The following PTPRD variants were observed in gnomAD, a reference collection of about 807,000 sequenced individuals.
PTPRD encodes receptor-type tyrosine-protein phosphatase delta.
In PTPRD, 34 loss-of-function variants were observed where a neutral mutation model predicts 214.5. The observed-to-expected ratio is 0.16, with a 90% CI of 0.12 to 0.21. The LOEUF (loss-of-function observed/expected upper bound fraction) is 0.21. Among genes scored for constraint, PTPRD ranks in the 10% least tolerant of loss-of-function variants. The pLI is 1.00. For missense variants in PTPRD, 2,545 were observed against 2,398.7 expected, an observed-to-expected ratio of 1.06 and a Z score of -1.27; for synonymous variants, 1,128 against 845.7, an observed-to-expected ratio of 1.33 and a Z score of -5.79.
chr9:9,742,410 T>G (rs1209809790), intron 6 of PTPRD, among the ~76,000 whole-genome samples: 1 of 152,196 alleles, frequency 6.6e-6, no homozygotes, highest in East Asian at 1.9e-4. Flanking sequence ...AATACTCAAA[T>G]TAGAAGCATC....
At chr9:8,609,635 G>A (rs1409168003) in intron 14 of PTPRD, among the ~76,000 whole-genome samples, 1 of 152,062 alleles carries the variant, frequency 6.6e-6, no homozygotes, top group Non-Finnish European at 1.5e-5. Context: ...CACTTAAAGA[G>A]TAAAATTAAA....
intron 39 of PTPRD, among the ~76,000 whole-genome samples, chr9:8,357,487 T>C (rs959195727): frequency 3.9e-5 from 6 of 152,162 alleles, no homozygotes; most frequent in Admixed American, 3.3e-4. Flanking sequence ...AGGGCTGAAT[T>C]CATCAAAGAA....
intron 9 of PTPRD, among the ~76,000 whole-genome samples, chr9:9,287,447 T>C (rs1186704970): frequency 2.0e-5 from 3 of 151,902 alleles, no homozygotes; most frequent in Non-Finnish European, 2.9e-5. Flanking sequence ...TTGTAGCTAC[T>C]TGATAATTTT....
intron 2 of PTPRD, among the ~76,000 whole-genome samples, chr9:10,369,613 C>T (rs151107667): frequency 6.6e-6 from 1 of 152,216 alleles, no homozygotes; most frequent in African/African-American, 2.4e-5. Context: ...AATTCCTCTT[C>T]TAACTATCAG....
intron 10 of PTPRD, among the ~76,000 whole-genome samples, chr9:9,114,722 G>C (rs1395060659): frequency 1.3e-5 from 2 of 152,058 alleles, no homozygotes; most frequent in African/African-American, 4.8e-5. Flanking sequence ...AAAAATCAAT[G>C]TAACCCTTTT....
At chr9:8,504,483 A>G in intron 22 of PTPRD, 78 bp from the exon 23 acceptor site, 2 of 1,489,692 alleles carry the variant, frequency 1.3e-6, no homozygotes, top group Non-Finnish European at 1.9e-6. Flanking sequence ...CTGGACCATC[A>G]GATTTCTATC....
intron 14 of PTPRD, among the ~76,000 whole-genome samples, chr9:8,546,307 G>A (rs1254593552): frequency 6.6e-6 from 1 of 152,144 alleles, no homozygotes; most frequent in East Asian, 1.9e-4. Flanking sequence ...ACTGACATGT[G>A]TTTTGTTATA....
chr9:9,058,211 C>A (rs2099699846), intron 10 of PTPRD, among the ~76,000 whole-genome samples: 1 of 151,968 alleles, frequency 6.6e-6, no homozygotes, highest in South Asian at 2.1e-4. Flanking sequence ...AGCAACACAG[C>A]CTATGATGGA....
intron 3 of PTPRD, among the ~76,000 whole-genome samples, chr9:10,080,642 A>G (rs971108389): frequency 1.3e-5 from 2 of 152,146 alleles, no homozygotes; most frequent in Non-Finnish European, 2.9e-5. Context: ...CCTTATCTCA[A>G]TATAAAATGC....
chr9:8,782,214 T>C (rs188005641), intron 11 of PTPRD, among the ~76,000 whole-genome samples: 29 of 152,158 alleles, frequency 1.9e-4, no homozygotes, highest in African/African-American at 6.3e-4. Context: ...TACATGTATA[T>C]ATTGTGGAAT....
Position 9,305,650 on chromosome 9 carries a change from T to A in PTPRD, c.-203+91799A>T, listed in dbSNP as rs560548240. ...TTTGGAAATGGAGTCATTGGAGATGTAATAAACTTAAAATGAGGTCATATT... is the reference window on the plus strand; with the variant it reads ...TTTGGAAATGGAGTCATTGGAGATGAAATAAACTTAAAATGAGGTCATATT... On this transcript the variant is annotated intron_variant, in intron 9 of 45. Transcript: ENST00000381196. Among the ~76,000 whole-genome samples, 10 of 152,244 alleles carry A rather than the reference T, an allele frequency of 6.6e-5. No homozygotes were observed. The South Asian group carries it at 1.7e-3, about 25-fold the overall frequency.
At chr9:9,538,539 A>C (rs2076959736) in intron 8 of PTPRD, among the ~76,000 whole-genome samples, 1 of 151,862 alleles carries the variant, frequency 6.6e-6, no homozygotes, top group South Asian at 2.1e-4. Flanking sequence ...GATTGATCAA[A>C]ACTTGGACCA....
intron 7 of PTPRD, among the ~76,000 whole-genome samples, chr9:9,594,399 G>A (rs2093072413): frequency 6.6e-6 from 1 of 152,038 alleles, no homozygotes; most frequent in Non-Finnish European, 1.5e-5. Flanking sequence ...AATTTTTATA[G>A]TTTTAGGTCT....
chr9:9,662,312 C>G (rs2096637068), intron 7 of PTPRD, among the ~76,000 whole-genome samples: 1 of 151,632 alleles, frequency 6.6e-6, no homozygotes, highest in Non-Finnish European at 1.5e-5. Context: ...GAAAATTGTT[C>G]AAATGTATAC....
intron 4 of PTPRD, among the ~76,000 whole-genome samples, chr9:10,002,251 A>T (rs1031711550): frequency 9.4e-5 from 14 of 149,216 alleles, no homozygotes; most frequent in Admixed American, 2.0e-4. Flanking sequence ...GAAACATAGG[A>T]ACAAAAAAAA....
chr9:9,595,584 A>G (rs117393256), intron 7 of PTPRD, among the ~76,000 whole-genome samples: 9,587 of 148,640 alleles, frequency 0.064, 335 homozygotes, highest in Middle Eastern at 0.12. Context: ...GTGTATATAC[A>G]TATATATATG....
chr9:10,161,138 C>T (rs10958926), intron 3 of PTPRD, among the ~76,000 whole-genome samples: 10,258 of 151,860 alleles, frequency 0.068, 880 homozygotes, highest in East Asian at 0.22. Context: ...GACAATACTA[C>T]TCAAAGCAGT....
intron 2 of PTPRD, among the ~76,000 whole-genome samples, chr9:10,349,171 T>G (rs1000910649): frequency 6.7e-6 from 1 of 148,640 alleles, no homozygotes; most frequent in African/African-American, 2.5e-5. Context: ...AACTGTGTAT[T>G]TCTCAACATC....
At chr9:10,496,383 C>A (rs1170793747) in intron 2 of PTPRD, among the ~76,000 whole-genome samples, 2 of 151,682 alleles carry the variant, frequency 1.3e-5, no homozygotes, top group African/African-American at 2.4e-5. Context: ...AAAACAGGAA[C>A]AAATGTATTA....
Sources: gnomAD v4.1 joint callset for allele counts (sites outside exome capture counted in the v4.1 genomes callset) on GRCh38, gnomAD v4.1.1 for gene constraint, MANE v1.5 for transcripts, NCBI Gene and HGNC (gene_info 2026-07-23, HGNC 2026-07-21) for gene names.